SVEP1: variants seen among roughly 807,000 people sequenced by gnomAD.
SVEP1 encodes the protein sushi, von Willebrand factor type A, EGF and pentraxin domain containing 1.
Under a neutral mutation model 367.3 loss-of-function variants are expected in SVEP1, and 164 were observed. That is an observed-to-expected ratio of 0.45 (90% CI 0.39 to 0.51). The LOEUF (loss-of-function observed/expected upper bound fraction) is 0.51. SVEP1 is among the 20% of genes least tolerant of loss of function. The pLI is 0.00. For synonymous variants in SVEP1, 1,666 were observed against 1,611.6 expected (o/e 1.03, Z -0.81); for missense variants, 4,117 against 4,425.3 (o/e 0.93, Z 1.98).
At position 110,471,412 on chromosome 9, in the gene SVEP1, C is replaced by G. The variant is rs368929962; in HGVS notation, c.2950G>C (p.Ala984Pro). The G allele has an allele frequency of 8.0e-5, 129 of 1,613,940 alleles. 1 individual carries two copies. Among genetic ancestry groups the G allele is most frequent in the South Asian group, 7.8e-4 (71 of 91,076 alleles). ...ADSNSLETKK[A>P]SPFCRPGSVL... ...GAGCCTGGTCTGCAGAAGGGGGAAGCCTTTTTTGTTTCTAATGAATTGCTG... is the reference window on the plus strand; with the variant it reads ...GAGCCTGGTCTGCAGAAGGGGGAAGGCTTTTTTGTTTCTAATGAATTGCTG... Residue 984 changes from alanine to proline, a missense_variant, in exon 16 of 48, where the codon GCT becomes CCT. By Grantham distance (27) the Ala-to-Pro change is conservative (BLOSUM62 -1). This residue lies in a region of SVEP1 where 2,174 missense variants were observed against 2,494.3 expected (regional missense o/e 0.87). Coordinates refer to ENST00000374469, the MANE Select transcript of SVEP1 (RefSeq NM_153366.4).
At position 110,436,630 on chromosome 9, in the gene SVEP1, T is replaced by G. The variant is rs1828434139; in HGVS notation, c.4640-126A>C. The G allele has an allele frequency of 2.9e-6, 4 of 1,363,260 alleles. No individual in the cohort carries two copies. The South Asian group carries it at 6.3e-5, about 21-fold the overall frequency. The allele number at this position is 1,363,260 out of a possible 1,614,324, so 84.4% of individuals were successfully genotyped here. On this transcript the variant is annotated intron_variant, in intron 27 of 47. Transcript: ENST00000374469. ...GAAAGAAAATTACTGAAAAGCAAAATTCTGTAAATTTACTGCAGGTTTTAT... is the reference window on the plus strand; with the variant it reads ...GAAAGAAAATTACTGAAAAGCAAAAGTCTGTAAATTTACTGCAGGTTTTAT...
In SVEP1 at chr9:110,406,785, C is replaced by T; in HGVS notation, c.8815G>A (p.Ala2939Thr). ...LTCQSDGNWD[A>T]EIPLCKPVNC... ...ACTGGTTTACAGAGAGGAATCTCTG[C>T]ATCCCAGTTGCCATCTGACTGACAG... Residue 2939 changes from alanine to threonine, a missense_variant, in exon 38 of 48, where the codon GCA becomes ACA. Coordinates refer to ENST00000374469, the MANE Select transcript of SVEP1 (RefSeq NM_153366.4). The T allele has an allele frequency of 1.9e-6, 3 of 1,614,042 alleles. No individual in the cohort carries two copies. The highest frequency in any genetic ancestry group is 3.3e-5 in the Admixed American group (2 of 60,032).
At chr9:110,550,899 C>T (rs1264276484) in intron 1 of SVEP1, among the ~76,000 whole-genome samples, 1 of 152,068 alleles carries the variant, frequency 6.6e-6, no homozygotes, top group Non-Finnish European at 1.5e-5. Flanking sequence ...GCCATTGATG[C>T]TTTGTAACAC....
chr9:110,467,499 T>C (rs1186557543), intron 17 of SVEP1, among the ~76,000 whole-genome samples: 2 of 152,186 alleles, frequency 1.3e-5, no homozygotes, highest in African/African-American at 4.8e-5. Flanking sequence ...AAGTGGGGCC[T>C]GGTGGGAGGT....
intron 27 of SVEP1, among the ~76,000 whole-genome samples, chr9:110,438,563 A>G (rs1323201090): frequency 6.6e-6 from 1 of 152,182 alleles, no homozygotes; most frequent in Non-Finnish European, 1.5e-5. Context: ...TCATTAATTA[A>G]ACGGCCCCTT....
In SVEP1 at chr9:110,482,469, T is replaced by C. The variant is rs1234719977; in HGVS notation, c.2062A>G (p.Ser688Gly). 1.3e-6 allele frequency: 2 copies of C among 1,579,970 alleles called. No homozygotes were observed. Among genetic ancestry groups the C allele is most frequent in the African/African-American group, 2.7e-5 (2 of 74,550 alleles). ...NSGAELVITRSHTQGDLFPQG... is the reference protein window; with the variant it reads ...NSGAELVITRGHTQGDLFPQG... Reference sequence around the variant, plus strand: ...GGGAAAAGGTCTCCTTGTGTATGACTTCTGGTAATGACCAATTCAGCCCCT... The same window carrying C: ...GGGAAAAGGTCTCCTTGTGTATGACCTCTGGTAATGACCAATTCAGCCCCT... Residue 688 changes from serine to glycine, a missense_variant, in exon 11 of 48, where the codon AGT (serine) becomes GGT (glycine). Transcript: ENST00000374469.
chr9:110,448,824 C>T (rs1043930484), intron 24 of SVEP1, among the ~76,000 whole-genome samples: 6 of 152,180 alleles, frequency 3.9e-5, no homozygotes, highest in Non-Finnish European at 8.8e-5. Flanking sequence ...GAAAGTGATG[C>T]TACATGATAA....
intron 9 of SVEP1, among the ~76,000 whole-genome samples, chr9:110,489,048 GA>G (rs1829327705): frequency 6.6e-6 from 1 of 152,140 alleles, no homozygotes; most frequent in Admixed American, 6.6e-5. Flanking sequence ...CAATTAAGCA[GA>G]AAGACATGGC....
chr9:110,433,330 T>A (rs950264995), intron 30 of SVEP1, among the ~76,000 whole-genome samples: 1 of 136,782 alleles, frequency 7.3e-6, no homozygotes, highest in Non-Finnish European at 1.5e-5. Flanking sequence ...AATCCCTGCC[T>A]TATGGAGCTT....
chr9:110,427,452 A>G, intron 36 of SVEP1, 139 bp downstream of exon 36: 1 of 974,842 alleles, frequency 1.0e-6, no homozygotes, highest in Non-Finnish European at 1.5e-6. Context: ...CTCTGCAGGT[A>G]GGAAATAAAA....
At chr9:110,417,116 A>C (rs892936286) in intron 36 of SVEP1, among the ~76,000 whole-genome samples, 2 of 152,010 alleles carry the variant, frequency 1.3e-5, no homozygotes, top group African/African-American at 4.8e-5. Flanking sequence ...GGAGGAGCCA[A>C]GATGGCCGAA....
chr9:110,369,352 T>C (rs941557377), intron 47 of SVEP1, among the ~76,000 whole-genome samples: 3 of 152,202 alleles, frequency 2.0e-5, no homozygotes, highest in African/African-American at 7.2e-5. Flanking sequence ...ATAATCTTTT[T>C]GTAGTCAATG....
intron 5 of SVEP1, among the ~76,000 whole-genome samples, chr9:110,511,488 C>CTTTTTTTTT (rs199993986): frequency 4.1e-4 from 32 of 77,516 alleles, no homozygotes; most frequent in African/African-American, 5.8e-4. Context: ...GTGTCAGTAC[C>CTTTTTTTTT]TTTTTTTTTT....
chr9:110,498,039 A>T (rs1002372574), intron 7 of SVEP1, among the ~76,000 whole-genome samples: 1 of 152,232 alleles, frequency 6.6e-6, no homozygotes, highest in Non-Finnish European at 1.5e-5. Flanking sequence ...TGGAATCTAA[A>T]GTTTATATTT....
At chr9:110,457,641 G>A (rs1828795836) in intron 20 of SVEP1, among the ~76,000 whole-genome samples, 1 of 152,170 alleles carries the variant, frequency 6.6e-6, no homozygotes, top group Admixed American at 6.5e-5. Context: ...TAAGGTCAGG[G>A]CGTCAACCCA....
chr9:110,543,878 G>A (rs990237051), intron 3 of SVEP1, among the ~76,000 whole-genome samples: 3 of 152,224 alleles, frequency 2.0e-5, no homozygotes, highest in Middle Eastern at 3.4e-3. Flanking sequence ...GAAAAACAAG[G>A]GGAGGCACTT....
At chr9:110,423,159 AAAAT>A (rs1319549014) in intron 36 of SVEP1, among the ~76,000 whole-genome samples, 4 of 128,088 alleles carry the variant, frequency 3.1e-5, no homozygotes, top group East Asian at 4.9e-4. Context: ...AAAAAATAAA[AAAAT>A]AAAGTAAAAA....
At chr9:110,536,542 C>T (rs1338574143) in intron 3 of SVEP1, among the ~76,000 whole-genome samples, 2 of 151,818 alleles carry the variant, frequency 1.3e-5, no homozygotes, top group African/African-American at 2.4e-5. Context: ...TTCACAATTG[C>T]ATTTCATTTT....
intron 40 of SVEP1, among the ~76,000 whole-genome samples, chr9:110,398,654 C>A (rs183407712): frequency 6.6e-6 from 1 of 151,866 alleles, no homozygotes; most frequent in Non-Finnish European, 1.5e-5. Context: ...AAGAAAAAAA[C>A]AAACAACCCC....
Sources: gnomAD v4.1 joint callset for allele counts (sites outside exome capture counted in the v4.1 genomes callset) on GRCh38, gnomAD v4.1.1 for gene constraint, gnomAD v4.1.1 regional missense constraint, MANE v1.5 for transcripts, NCBI Gene and HGNC (gene_info 2026-07-23, HGNC 2026-07-21) for gene names.